The following MAD1L1 variants were observed in gnomAD, a reference collection of about 807,000 sequenced individuals.
MAD1L1 encodes the protein mitotic spindle assembly checkpoint protein MAD1.
MAD1L1 carries 95 observed loss-of-function variants against 96.9 expected under a neutral mutation model. The observed-to-expected ratio is 0.98, with a 90% CI of 0.83 to 1.16. The LOEUF (loss-of-function observed/expected upper bound fraction) is 1.16, where lower values mean the gene tolerates loss of function less well. Ranked by LOEUF, MAD1L1 falls within the 50% of genes most tolerant of loss-of-function variation. The probability of loss-of-function intolerance (pLI) is 0.00; values close to 1 mark genes in which losing one functional copy is unlikely to be tolerated. For missense variants in MAD1L1, 1,007 were observed against 954.4 expected (o/e 1.06, Z -0.73); for synonymous variants, 473 against 396.6 (o/e 1.19, Z -2.29).
intron 10 of MAD1L1, among the ~76,000 whole-genome samples, chr7:2,201,526 C>G (rs1005971268): frequency 1.3e-5 from 2 of 152,214 alleles, no homozygotes; most frequent in African/African-American, 4.8e-5. Context: ...AAAATAAATC[C>G]TGGAACCTAC....
At chr7:1,906,451 C>T (rs908891770) in intron 17 of MAD1L1, among the ~76,000 whole-genome samples, 17 of 152,240 alleles carry the variant, frequency 1.1e-4, no homozygotes, top group Non-Finnish European at 1.6e-4. Flanking sequence ...GTCCCAGCCC[C>T]GCCCCAGGGC....
At chr7:1,816,793 T>G (rs1444040353) in intron 18 of MAD1L1, among the ~76,000 whole-genome samples, 1 of 150,268 alleles carries the variant, frequency 6.7e-6, no homozygotes, top group Non-Finnish European at 1.5e-5. Flanking sequence ...AGGGCAGGAG[T>G]CACACAGCAG....
At chr7:1,904,463 C>G (rs1166809095) in intron 17 of MAD1L1, among the ~76,000 whole-genome samples, 49 of 112,894 alleles carry the variant, frequency 4.3e-4, no homozygotes, top group South Asian at 6.1e-4. Flanking sequence ...CATAATTGAT[C>G]AAGCACTGTT....
chr7:2,156,131 C>T (rs1310658312), intron 10 of MAD1L1, among the ~76,000 whole-genome samples: 1 of 151,548 alleles, frequency 6.6e-6, no homozygotes, highest in Non-Finnish European at 1.5e-5. Context: ...GCAGCGGGCG[C>T]ACGGTTTCAC....
At chr7:1,981,861 A>G (rs904366271) in intron 14 of MAD1L1, among the ~76,000 whole-genome samples, 1 of 152,192 alleles carries the variant, frequency 6.6e-6, no homozygotes, top group African/African-American at 2.4e-5. Context: ...TAATCACCAT[A>G]TGTTACATGT....
intron 11 of MAD1L1, among the ~76,000 whole-genome samples, chr7:2,095,838 G>GCCGTCTCTA (rs1304124923): frequency 6.6e-6 from 1 of 152,250 alleles, no homozygotes; most frequent in Non-Finnish European, 1.5e-5. Flanking sequence ...GGGAAGGGCA[G>GCCGTCTCTA]AGTGCATCCA....
intron 15 of MAD1L1, among the ~76,000 whole-genome samples, chr7:1,967,794 C>T (rs1204704787): frequency 2.6e-5 from 4 of 152,220 alleles, no homozygotes; most frequent in African/African-American, 7.2e-5. Context: ...AAACAAGTCC[C>T]GCTGCATGCA....
chr7:1,859,813 C>G (rs914645591), intron 18 of MAD1L1, among the ~76,000 whole-genome samples: 1 of 147,746 alleles, frequency 6.8e-6, no homozygotes, highest in Non-Finnish European at 1.5e-5. Flanking sequence ...TGACATCCAG[C>G]GGGGTGGCCT....
chr7:2,193,949 T>TTC (rs1791855891), intron 10 of MAD1L1, among the ~76,000 whole-genome samples: 4 of 144,696 alleles, frequency 2.8e-5, no homozygotes, highest in Non-Finnish European at 4.6e-5. Flanking sequence ...TTTTTTTTTT[T>TTC]TTTTTTTTTT....
intron 18 of MAD1L1, among the ~76,000 whole-genome samples, chr7:1,858,432 T>C (rs986380223): frequency 6.6e-6 from 1 of 152,238 alleles, no homozygotes; most frequent in African/African-American, 2.4e-5. Context: ...TTCTGAGGCC[T>C]CCCTTCCACC....
At position 1,857,260 on chromosome 7, in the gene MAD1L1, C is replaced by T. The variant is rs554246565; in HGVS notation, c.1998+40940G>A. On this transcript the variant is annotated intron_variant, in intron 18 of 18. Transcript: ENST00000265854. ...AGGCACGGCTGTCCCACGTCTCGGG[C>T]GAGGGTGGGTGCGATGACTTTCCAC... 3.9e-5 allele frequency among the ~76,000 whole-genome samples: 6 copies of T among 152,292 alleles called. No homozygotes were observed. The East Asian group carries it at 7.7e-4, about 20-fold the overall frequency.
chr7:1,865,329 G>A (rs1334148466), intron 18 of MAD1L1, among the ~76,000 whole-genome samples: 4 of 152,282 alleles, frequency 2.6e-5, no homozygotes, highest in Admixed American at 1.3e-4. Flanking sequence ...TGTCCCTTGA[G>A]TCAAAGCTGA....
chr7:1,892,101 G>A (rs2128438382), intron 18 of MAD1L1, among the ~76,000 whole-genome samples: 1 of 152,278 alleles, frequency 6.6e-6, no homozygotes, highest in East Asian at 1.9e-4. Context: ...CATACATCAT[G>A]TTTATGGCAC....
chr7:1,822,962 G>A (rs149287633), intron 18 of MAD1L1, among the ~76,000 whole-genome samples: 269 of 152,108 alleles, frequency 1.8e-3, no homozygotes, highest in Admixed American at 4.6e-3. Flanking sequence ...CCACAGACGC[G>A]TCCAGGCCAC....
chr7:1,902,203 G>C (rs1441948888), intron 17 of MAD1L1, among the ~76,000 whole-genome samples: 1 of 152,202 alleles, frequency 6.6e-6, no homozygotes, highest in Non-Finnish European at 1.5e-5. Flanking sequence ...GGAGGCAGCT[G>C]TGAAGAGGAC....
intron 12 of MAD1L1, among the ~76,000 whole-genome samples, chr7:2,064,401 T>G (rs1784790225): frequency 6.6e-6 from 1 of 151,830 alleles, no homozygotes; most frequent in South Asian, 2.1e-4. Flanking sequence ...CCAGATTCCC[T>G]CGGGAAGGCA....
intron 18 of MAD1L1, among the ~76,000 whole-genome samples, chr7:1,838,312 G>C (rs1217419254): frequency 3.9e-5 from 6 of 152,182 alleles, no homozygotes; most frequent in Non-Finnish European, 8.8e-5. Context: ...TGTGACCCTG[G>C]CACTTCCGCT....
rs541755543 is a variant in MAD1L1 at position 1,893,918 on chromosome 7, G to A, written c.1998+4282C>T. Reference sequence around the variant, plus strand: ...AGTCAGTGACCATCTGCAGGCAGAGGTGCCAACATGAGCCCTGGCCCTACA... The same window carrying A: ...AGTCAGTGACCATCTGCAGGCAGAGATGCCAACATGAGCCCTGGCCCTACA... On this transcript the variant is annotated intron_variant, in intron 18 of 18. Transcript: ENST00000265854. Among the ~76,000 whole-genome samples, 4 of 152,328 alleles carry A rather than the reference G, an allele frequency of 2.6e-5. No homozygotes were observed. The East Asian group carries it at 7.7e-4, about 29-fold the overall frequency.
chr7:1,965,616 T>C (rs1780132056), intron 15 of MAD1L1, among the ~76,000 whole-genome samples: 1 of 152,196 alleles, frequency 6.6e-6, no homozygotes, highest in South Asian at 2.1e-4. Flanking sequence ...GAGTATGGAC[T>C]CCCCGGCCCC....
Sources: allele counts gnomAD v4.1 joint callset (sites outside exome capture counted in the v4.1 genomes callset), GRCh38; gene constraint gnomAD v4.1.1; transcripts MANE v1.5; gene names NCBI Gene and HGNC (gene_info 2026-07-23, HGNC 2026-07-21).